The following SAMMSON variants were observed in gnomAD, a reference collection of about 807,000 sequenced individuals.
SAMMSON encodes survival associated mitochondrial melanoma specific oncogenic non-coding RNA, also known as long intergenic non-protein coding RNA 1212.
At chr3:70,324,791 A>G (rs750166353) in intron 7 of SAMMSON, among the ~76,000 whole-genome samples, 1 of 152,132 alleles carries the variant, frequency 6.6e-6, no homozygotes, top group African/African-American at 2.4e-5. Flanking sequence ...CTGCGTCCTG[A>G]CATAACAAAA....
At chr3:70,371,697 T>C (rs1391832398) in intron 9 of SAMMSON, among the ~76,000 whole-genome samples, 1 of 152,174 alleles carries the variant, frequency 6.6e-6, no homozygotes, top group Admixed American at 6.6e-5. Flanking sequence ...TCCTGCAACC[T>C]TAATAAATTC....
At chr3:70,338,914 A>T (rs934202636) in intron 7 of SAMMSON, among the ~76,000 whole-genome samples, 1 of 152,190 alleles carries the variant, frequency 6.6e-6, no homozygotes, top group Non-Finnish European at 1.5e-5. Context: ...TAAAGTTCAC[A>T]TGGAACCAAA....
intron 4 of SAMMSON, among the ~76,000 whole-genome samples, chr3:70,191,347 G>T (rs983740970): frequency 1.3e-5 from 2 of 152,196 alleles, no homozygotes; most frequent in Non-Finnish European, 2.9e-5. Context: ...GCATAGTGTT[G>T]TTGACTGATT....
chr3:70,393,607 T>C (rs17007197), downstream of SAMMSON, among the ~76,000 whole-genome samples: 518 of 152,192 alleles, frequency 3.4e-3, 3 homozygotes, highest in African/African-American at 0.012. Context: ...TAAAAGCTTC[T>C]AGAAAAACAA....
At chr3:70,106,303 C>T (rs1344970564) in intron 4 of SAMMSON, among the ~76,000 whole-genome samples, 1 of 150,910 alleles carries the variant, frequency 6.6e-6, no homozygotes, top group African/African-American at 2.4e-5. Flanking sequence ...AAAATGCAGG[C>T]CTAATCCCAT....
chr3:70,273,829 G>A (rs2079529385), intron 6 of SAMMSON, among the ~76,000 whole-genome samples: 1 of 152,144 alleles, frequency 6.6e-6, no homozygotes, highest in Admixed American at 6.6e-5. Context: ...CCAAGGCAGA[G>A]TCTCACTTTA....
At chr3:70,097,665 C>T (rs1283816403) in intron 4 of SAMMSON, among the ~76,000 whole-genome samples, 1 of 152,142 alleles carries the variant, frequency 6.6e-6, no homozygotes, top group Admixed American at 6.5e-5. Context: ...TATCATTAAC[C>T]TCTTAGGGAT....
At chr3:70,095,288 C>T (rs988296666) in intron 4 of SAMMSON, among the ~76,000 whole-genome samples, 2 of 152,204 alleles carry the variant, frequency 1.3e-5, no homozygotes, top group African/African-American at 4.8e-5. Context: ...TTGACTCTAA[C>T]TTCCATGGCT....
At chr3:70,003,381 T>C (rs954139952) in intron 1 of SAMMSON, among the ~76,000 whole-genome samples, 3 of 151,962 alleles carry the variant, frequency 2.0e-5, no homozygotes, top group Admixed American at 1.3e-4. Context: ...ATCTAGCCTA[T>C]CCCCTCTTCT....
rs1385491563 is a variant in SAMMSON at position 70,013,153 on chromosome 3, T to C, written n.265-367T>C. 3.3e-5 allele frequency among the ~76,000 whole-genome samples: 5 copies of C among 152,110 alleles called. No homozygotes were observed. In the East Asian group the frequency reaches 9.7e-4, roughly 29 times the overall value. ...AGTTTCTGGCATATAGTAAATGTGA[T>C]GATGATGATGATGATGATGGTGATA... is the stretch of plus-strand genomic sequence containing the variant. On this transcript the variant is annotated intron_variant and non_coding_transcript_variant, in intron 2 of 9. Transcript: ENST00000642114.
At chr3:70,320,727 G>A (rs1030496846) in intron 7 of SAMMSON, among the ~76,000 whole-genome samples, 3 of 152,068 alleles carry the variant, frequency 2.0e-5, no homozygotes, top group African/African-American at 7.2e-5. Context: ...GGTCATTCAA[G>A]CTGGCCAATC....
intron 4 of SAMMSON, among the ~76,000 whole-genome samples, chr3:70,214,228 T>C (rs1701382927): frequency 6.6e-6 from 1 of 152,108 alleles, no homozygotes; most frequent in South Asian, 2.1e-4. Context: ...TTTCTTTAAT[T>C]TTCAAATGGC....
intron 4 of SAMMSON, among the ~76,000 whole-genome samples, chr3:70,200,908 T>A (rs1267683394): frequency 6.6e-6 from 1 of 151,980 alleles, no homozygotes; most frequent in East Asian, 1.9e-4. Flanking sequence ...TATCCCACTG[T>A]TATATGTGTC....
At chr3:70,100,877 C>T (rs2067342841) in intron 4 of SAMMSON, among the ~76,000 whole-genome samples, 1 of 152,186 alleles carries the variant, frequency 6.6e-6, no homozygotes, top group African/African-American at 2.4e-5. Context: ...CATAATTTAT[C>T]AGTTCCTTGT....
At chr3:70,235,871 A>G (rs1020119043) in intron 4 of SAMMSON, among the ~76,000 whole-genome samples, 2 of 152,224 alleles carry the variant, frequency 1.3e-5, no homozygotes. Context: ...CAAAGACAAT[A>G]CATGTTCATT....
At chr3:70,087,735 T>C (rs906854913) in intron 4 of SAMMSON, among the ~76,000 whole-genome samples, 1 of 152,192 alleles carries the variant, frequency 6.6e-6, no homozygotes, top group Non-Finnish European at 1.5e-5. Context: ...GTGCCAAGAA[T>C]GATCAGAAGA....
chr3:70,293,045 C>CAAAAAAAA (rs55990203), intron 7 of SAMMSON, among the ~76,000 whole-genome samples: 1 of 74,818 alleles, frequency 1.3e-5, no homozygotes, highest in Non-Finnish European at 2.9e-5. Context: ...TGGTTTGAAG[C>CAAAAAAAA]AAAAAAAAAA....
intron 3 of SAMMSON, among the ~76,000 whole-genome samples, chr3:70,059,142 A>G (rs1349436079): frequency 2.0e-5 from 3 of 152,132 alleles, no homozygotes; most frequent in Non-Finnish European, 2.9e-5. Flanking sequence ...TGGCTAGAAG[A>G]GCTTTATATG....
intron 2 of SAMMSON, among the ~76,000 whole-genome samples, chr3:70,427,398 A>T (rs1299092256): frequency 6.6e-6 from 1 of 152,192 alleles, no homozygotes; most frequent in Non-Finnish European, 1.5e-5. Context: ...ACTGAACTAA[A>T]TGTTCTGGTA....
Sources: allele counts gnomAD v4.1 joint callset (sites outside exome capture counted in the v4.1 genomes callset), GRCh38; gene constraint gnomAD v4.1.1; transcripts MANE v1.5; gene names NCBI Gene and HGNC (gene_info 2026-07-23, HGNC 2026-07-21).